Variants in KCP observed in about 807,000 individuals in gnomAD.
KCP encodes the protein kielin cysteine rich BMP regulator.
KCP carries 194 observed loss-of-function variants against 212.7 expected under a neutral mutation model. The observed-to-expected ratio is 0.91, with a 90% CI of 0.81 to 1.03. KCP has a LOEUF of 1.03. KCP is among the 50% of genes least tolerant of loss of function. The pLI is 0.00. For synonymous variants in KCP, 833 were observed against 865.3 expected, an observed-to-expected ratio of 0.96 and a Z score of 0.65; for missense variants, 2,080 against 2,162.5, an observed-to-expected ratio of 0.96 and a Z score of 0.76.
chr7:128,896,365 A>G (rs542291918), intron 8 of KCP, among the ~76,000 whole-genome samples: 1 of 152,158 alleles, frequency 6.6e-6, no homozygotes, highest in Admixed American at 6.5e-5. Flanking sequence ...GGAGGGTTAC[A>G]GTCCCTTCTA....
At position 128,879,723 on chromosome 7, in the gene KCP, C is replaced by G; in HGVS notation, c.4039G>C (p.Val1347Leu). ...CACTCCTCGGCTTTGCTCACCGTGACTGCCCCGTCCTGCAGCAGCCGCACG... is the reference window on the plus strand; with the variant it reads ...CACTCCTCGGCTTTGCTCACCGTGAGTGCCCCGTCCTGCAGCAGCCGCACG... ...MAVRLLQDGA[V>L]TVDGHPVALP... Residue 1347 changes from valine to leucine, a missense_variant, in exon 36 of 40, where the codon GTC becomes CTC. By Grantham distance (32) the Val-to-Leu change is conservative (BLOSUM62 1). Transcript: ENST00000610776. The G allele has an allele frequency of 6.5e-7, 1 of 1,550,198 alleles. No individual in the cohort carries two copies. Among genetic ancestry groups the G allele is most frequent in the Non-Finnish European group, 8.7e-7 (1 of 1,146,974 alleles).
intron 8 of KCP, among the ~76,000 whole-genome samples, chr7:128,895,562 C>T (rs1472054156): frequency 6.6e-6 from 1 of 152,182 alleles, no homozygotes; most frequent in Non-Finnish European, 1.5e-5. Flanking sequence ...TGAATAGGGG[C>T]TAGGTAAAAT....
At position 128,907,416 on chromosome 7, in the gene KCP, G is replaced by A. The variant is rs1346862762; in HGVS notation, c.257C>T (p.Ser86Phe). Residue 86 changes from serine to phenylalanine, a missense_variant, in exon 3 of 40, where the codon TCC becomes TTC. Ser to Phe is a radical substitution (Grantham distance 155). Transcript: ENST00000610776. ...DLQTRVRQLE[S>F]CECHPASPQC... ...GGGAGATGCAGGGTGGCACTCACAG[G>A]ACTCCAGCTGCCTCACCCTCGTCTG... 7 of 1,516,408 alleles carry A rather than the reference G, an allele frequency of 4.6e-6. No homozygotes were observed. The African/African-American group carries it at 5.5e-5, about 12-fold the overall frequency. 93.9% of individuals were successfully genotyped at this position (1,516,408 alleles called of 1,614,324 possible). A position where few individuals can be genotyped will look rare whatever the true frequency, so the allele number is the denominator to read the frequency against.
chr7:128,881,084 T>A lies in KCP; in HGVS notation c.3426A>T (p.Glu1142Asp). 2.5e-6 allele frequency: 1 copy of A among 398,780 alleles called. No homozygotes were observed. The highest frequency in any genetic ancestry group is 4.4e-6 in the Non-Finnish European group (1 of 226,204). The allele number at this position is 398,780 out of a possible 1,614,324, so 24.7% of individuals were successfully genotyped here. The change falls in exon 32 of 40, where the codon GAA becomes GAT. Residue 1142 changes from glutamate (E) to aspartate (D), a missense_variant and splice_region_variant. Transcript: ENST00000610776. ...PPGSCCPVCR[E>D]CVVEAEGRRV... ...TCCGGCCCTCGGCCTCCACCACACA[T>A]TCTGAGGGGGGAGACATGGGATGGG...
rs1283856069 is a variant in KCP, at chr7:128,890,458, A to C, written c.2220T>G (p.Thr740=). 1.3e-6 allele frequency: 2 copies of C among 1,551,010 alleles called. No individual in the cohort carries two copies. The highest frequency in any genetic ancestry group is 4.9e-5 in the East Asian group (2 of 40,892). The change falls in exon 21 of 40, where the codon ACT becomes ACG. Residue 740 remains threonine (T), a synonymous_variant. Transcript: ENST00000610776. The part of the protein sequence containing the change: ...FASGERFPSP[T]AACHLCLCWE... ...AGCAAAGGCAGAGGTGGCAGGCAGC[A>C]GTGGGCGATGGGAAGCGCTCCCCGC...
At chr7:128,895,380 C>A (rs1202732939) in intron 8 of KCP, among the ~76,000 whole-genome samples, 2 of 152,200 alleles carry the variant, frequency 1.3e-5, no homozygotes, top group African/African-American at 2.4e-5. Context: ...GTGGCTACTG[C>A]CACTACCCCA....
At chr7:128,905,905 C>T (rs560603519) in intron 5 of KCP, among the ~76,000 whole-genome samples, 197 of 152,226 alleles carry the variant, frequency 1.3e-3, no homozygotes, top group Non-Finnish European at 2.5e-3. Context: ...CCAGCCTCGA[C>T]GGGCTTCCCC....
At chr7:128,905,065 A>G (rs1049159983) in intron 5 of KCP, among the ~76,000 whole-genome samples, 3 of 151,874 alleles carry the variant, frequency 2.0e-5, no homozygotes, top group African/African-American at 7.3e-5. Context: ...TCAACCCCCA[A>G]GATTTTAGTC....
At chr7:128,878,837 G>T in intron 37 of KCP, 115 bp from the exon 38 acceptor site, 1 of 1,051,954 alleles carries the variant, frequency 9.5e-7, no homozygotes, top group Non-Finnish European at 1.3e-6. Flanking sequence ...TAGGGGAGGA[G>T]AATGGACAGG....
intron 2 of KCP, among the ~76,000 whole-genome samples, chr7:128,908,077 T>C (rs1247331751): frequency 3.5e-5 from 5 of 142,470 alleles, no homozygotes; most frequent in African/African-American, 8.0e-5. Flanking sequence ...TGCAGGGAGC[T>C]GAGATTGTGC....
At chr7:128,906,121 T>C (rs539971092) in intron 5 of KCP, among the ~76,000 whole-genome samples, 158 bp downstream of exon 5, 9 of 152,322 alleles carry the variant, frequency 5.9e-5, no homozygotes, top group African/African-American at 9.6e-5. Context: ...GAGCCAGTAT[T>C]TGCTGATTTG....
chr7:128,888,738 C>G (rs1021682169), intron 22 of KCP, 125 bp downstream of exon 22: 3 of 923,044 alleles, frequency 3.3e-6, no homozygotes, highest in Non-Finnish European at 4.8e-6. Flanking sequence ...GTGAGGGAGT[C>G]GGAGAGTGAG....
rs1214473265 is a variant in KCP, at chr7:128,888,916, G to C, written c.2459C>G (p.Pro820Arg). 1.2e-5 allele frequency: 18 copies of C among 1,550,608 alleles called. No individual in the cohort carries two copies. The highest frequency in any genetic ancestry group is 1.6e-5 in the Non-Finnish European group (18 of 1,146,782). The change falls in exon 22 of 40, where the codon CCG becomes CGG. Residue 820 changes from proline (P) to arginine (R), a missense_variant. Transcript: ENST00000610776. Reference sequence around the variant, plus strand: ...GGGGATGAGTGGGTGGCTGCAGCCCGGAGGCTCACAGGGCCGGCGGCCGCA... The same window carrying C: ...GGGGATGAGTGGGTGGCTGCAGCCCCGAGGCTCACAGGGCCGGCGGCCGCA... The part of the protein sequence containing the change: ...VTCGRRPCEP[P>R]GCSHPLIPSG...
In KCP at chr7:128,887,838, CACACAT is replaced by C. The variant is rs747907302; in HGVS notation, c.2513-544_2513-539del. 3.3e-3 allele frequency among the ~76,000 whole-genome samples: 483 copies of C among 148,222 alleles called. 2 individuals carry two copies. Among genetic ancestry groups the C allele is most frequent in the Non-Finnish European group, 5.4e-3 (367 of 67,660 alleles). ...ACACAGCCACATACACACACACACA[CACACAT>C]ACACACATACCCACCTACACACAGC... On this transcript the variant is annotated intron_variant, in intron 22 of 39. Transcript: ENST00000610776.
At position 128,906,272 on chromosome 7, in the gene KCP, G is replaced by T. The variant is rs1314804473; in HGVS notation, c.571+7C>A. The T allele has an allele frequency of 5.2e-6, 8 of 1,549,104 alleles. No individual in the cohort carries two copies. The highest frequency in any genetic ancestry group is 7.0e-6 in the Non-Finnish European group (8 of 1,144,802). On this transcript the variant is annotated splice_region_variant and intron_variant, in intron 5 of 39. Transcript: ENST00000610776. Reference sequence around the variant, plus strand: ...GGAGGTGGGGCTGAGACTGGCAGGAGGCTGACCTGGCTTACAGTGCGGGCA... The same window carrying T: ...GGAGGTGGGGCTGAGACTGGCAGGATGCTGACCTGGCTTACAGTGCGGGCA...
chr7:128,894,049 A>T lies in KCP; in HGVS notation c.932T>A (p.Phe311Tyr). 6.5e-7 allele frequency: 1 copy of T among 1,549,622 alleles called. No homozygotes were observed. The highest frequency in any genetic ancestry group is 8.7e-7 in the Non-Finnish European group (1 of 1,146,128). ...GTCCPVCDGC[F>Y]LNGREHRSGE... ...GCTGCGGTGCTCCCGCCCGTTTAGG[A>T]AACAGCCTGTTGGGAAGGGGGGCCT... Residue 311 changes from phenylalanine (F) to tyrosine (Y), a missense_variant, in exon 10 of 40, where the codon TTC becomes TAC. Physicochemically the swap from Phe to Tyr is conservative, Grantham distance 22. Coordinates refer to ENST00000610776, the MANE Select transcript of KCP (RefSeq NM_001366122.1).
intron 28 of KCP, among the ~76,000 whole-genome samples, chr7:128,884,462 G>A (rs1490198493): frequency 1.3e-5 from 2 of 152,072 alleles, no homozygotes; most frequent in Non-Finnish European, 2.9e-5. Context: ...CCCTTCCATG[G>A]CCTTGCAAAT....
At chr7:128,888,804 G>A in intron 22 of KCP, 59 bp downstream of exon 22, 1 of 1,481,414 alleles carries the variant, frequency 6.8e-7, no homozygotes, top group Non-Finnish European at 9.1e-7. Context: ...AGTGGAATCG[G>A]TGAGAAAGGC....
At chr7:128,893,782 G>A (rs749345254) in intron 11 of KCP, 24 bp downstream of exon 11, 659 of 1,545,428 alleles carry the variant, frequency 4.3e-4, no homozygotes, top group Non-Finnish European at 5.2e-4. Context: ...TGCCCCTCCC[G>A]CAGAGACCCC....
Sources: gnomAD v4.1 joint callset for allele counts (sites outside exome capture counted in the v4.1 genomes callset) on GRCh38, gnomAD v4.1.1 for gene constraint, MANE v1.5 for transcripts, NCBI Gene and HGNC (gene_info 2026-07-23, HGNC 2026-07-21) for gene names.